CDKL5: variants seen among roughly 807,000 people sequenced by gnomAD.
CDKL5 encodes cyclin-dependent kinase-like 5.
CDKL5 carries 8 observed loss-of-function variants against 61.7 expected under a neutral mutation model. The observed-to-expected ratio is 0.13, with a 90% confidence interval of 0.08 to 0.23. The LOEUF (loss-of-function observed/expected upper bound fraction) is 0.23, where lower values mean the gene tolerates loss of function less well. Among genes scored for constraint, CDKL5 ranks in the 10% least tolerant of loss-of-function variants. The pLI is 1.00. For synonymous variants in CDKL5, 275 were observed against 272.3 expected, an observed-to-expected ratio of 1.01 and a Z score of -0.10; for missense variants, 440 against 734.5, an observed-to-expected ratio of 0.60 and a Z score of 4.63.
At chrX:18,546,921 A>G (rs770439427) in intron 3 of CDKL5, among the ~76,000 whole-genome samples, 1 of 111,409 alleles carries the variant, frequency 9.0e-6, no homozygotes, top group South Asian at 3.8e-4. Flanking sequence ...GTTTTGAAGG[A>G]GTAAAAGGAG....
chrX:18,495,821 A>G (rs1436185234), intron 1 of CDKL5, among the ~76,000 whole-genome samples: 1 of 111,621 alleles, frequency 9.0e-6, no homozygotes, highest in African/African-American at 3.3e-5. Flanking sequence ...CAGATCTCCT[A>G]CCTAAAGGAC....
chrX:18,509,077 C>T (rs1384975153), intron 2 of CDKL5, among the ~76,000 whole-genome samples: 1 of 98,210 alleles, frequency 1.0e-5, no homozygotes, highest in East Asian at 3.3e-4. Flanking sequence ...GATGAGAGAG[C>T]GAGACTGTCT....
chrX:18,644,531 G>A (rs61752158), downstream of CDKL5: 3 of 1,210,831 alleles, frequency 2.5e-6, no homozygotes, highest in Non-Finnish European at 3.4e-6. Context: ...ATGTCACAGC[G>A]CCCCTGGGTG....
chrX:18,561,082 T>A (rs1924790525), intron 3 of CDKL5, among the ~76,000 whole-genome samples: 1 of 111,484 alleles, frequency 9.0e-6, no homozygotes, highest in African/African-American at 3.3e-5. Context: ...GTATATAGAT[T>A]TTGTTACAAG....
At chrX:18,551,228 T>C (rs888487306) in intron 3 of CDKL5, among the ~76,000 whole-genome samples, 2 of 111,182 alleles carry the variant, frequency 1.8e-5, no homozygotes, top group African/African-American at 3.3e-5. Flanking sequence ...CCTGGAACTA[T>C]GAGGTAAATT....
chrX:18,519,953 G>T (rs1460849667), intron 3 of CDKL5, among the ~76,000 whole-genome samples: 2 of 111,704 alleles, frequency 1.8e-5, no homozygotes, highest in Non-Finnish European at 3.8e-5. Context: ...AACCATAAAA[G>T]TTAGAAGGAA....
At chrX:18,485,907 G>A (rs1312840591) in intron 1 of CDKL5, among the ~76,000 whole-genome samples, 1 of 111,225 alleles carries the variant, frequency 9.0e-6, no homozygotes, top group African/African-American at 3.3e-5. Flanking sequence ...TAAAAAGAGA[G>A]AGCGCAACAC....
chrX:18,450,318 A>G (rs1219236414), intron 1 of CDKL5, among the ~76,000 whole-genome samples: 11 of 112,235 alleles, frequency 9.8e-5, no homozygotes, highest in Admixed American at 8.6e-4. Context: ...ATTAAACTAA[A>G]TAACATAGGT....
At chrX:18,516,539 A>G (rs566208277) in intron 3 of CDKL5, among the ~76,000 whole-genome samples, 4 of 109,772 alleles carry the variant, frequency 3.6e-5, no homozygotes, top group African/African-American at 9.9e-5. Context: ...AAAAACTACA[A>G]ATGCTGCTGT....
chrX:18,444,315 T>TAG (rs1358714963), intron 1 of CDKL5, among the ~76,000 whole-genome samples: 1 of 111,747 alleles, frequency 8.9e-6, no homozygotes, highest in African/African-American at 3.2e-5. Flanking sequence ...CTATCTCTTC[T>TAG]GGCTAATCTC....
chrX:18,603,770 A>C (rs1037286075), intron 11 of CDKL5, 132 bp from the exon 12 acceptor site: 1 of 768,468 alleles, frequency 1.3e-6, no homozygotes, highest in Non-Finnish European at 2.0e-6. Context: ...TGTTATTCGA[A>C]GGCACATGCT....
At chrX:18,519,162 G>C (rs1174633487) in intron 3 of CDKL5, among the ~76,000 whole-genome samples, 1 of 111,833 alleles carries the variant, frequency 8.9e-6, no homozygotes, top group Non-Finnish European at 1.9e-5. Context: ...TATAGATCCG[G>C]AGTTGGCAAA....
At chrX:18,563,360 T>C (rs1924865101) in intron 3 of CDKL5, among the ~76,000 whole-genome samples, 1 of 111,702 alleles carries the variant, frequency 9.0e-6, no homozygotes, top group African/African-American at 3.2e-5. Flanking sequence ...ATCTCCTGCA[T>C]TACTTAAAAT....
intron 3 of CDKL5, among the ~76,000 whole-genome samples, chrX:18,547,418 G>T (rs1160098736): frequency 8.9e-6 from 1 of 112,024 alleles, no homozygotes; most frequent in Non-Finnish European, 1.9e-5. Context: ...TTTTCATTAT[G>T]TGCAAAACTG....
At chrX:18,545,801 G>A (rs1350958165) in intron 3 of CDKL5, among the ~76,000 whole-genome samples, 1 of 111,814 alleles carries the variant, frequency 8.9e-6, no homozygotes, top group Non-Finnish European at 1.9e-5. Context: ...ATGAACACTA[G>A]CCCACAATGT....
intron 1 of CDKL5, among the ~76,000 whole-genome samples, chrX:18,472,464 A>G (rs774260468): frequency 2.7e-5 from 3 of 112,240 alleles, no homozygotes; most frequent in South Asian, 3.7e-4. Context: ...TAACTTTTAC[A>G]TAGTCTTTGG....
At chrX:18,597,856 A>G (rs998801513) in intron 10 of CDKL5, among the ~76,000 whole-genome samples, 1 of 110,963 alleles carries the variant, frequency 9.0e-6, no homozygotes, top group Non-Finnish European at 1.9e-5. Flanking sequence ...TCGGCCTCCC[A>G]AAGTGCTGGG....
At chrX:18,646,018 G>A (rs1927757471) in exon 20 of CDKL5, 1 of 1,211,884 alleles carries the variant, frequency 8.3e-7, no homozygotes, top group Non-Finnish European at 1.1e-6. Context: ...CGGTGGATGT[G>A]ATGGCAGAAG....
chrX:18,498,578 T>C (rs1011701700), intron 1 of CDKL5, among the ~76,000 whole-genome samples: 2 of 112,073 alleles, frequency 1.8e-5, no homozygotes, highest in Non-Finnish European at 3.8e-5. Context: ...CTCAATTTCC[T>C]CCTTAAGCAT....
Sources: gnomAD v4.1 joint callset for allele counts (sites outside exome capture counted in the v4.1 genomes callset) on GRCh38, gnomAD v4.1.1 for gene constraint, MANE v1.5 for transcripts, NCBI Gene and HGNC (gene_info 2026-07-23, HGNC 2026-07-21) for gene names.